Variants in DOK5 observed in about 807,000 individuals in gnomAD.
The protein encoded by DOK5 is docking protein 5.
Under a neutral mutation model 43.3 loss-of-function variants are expected in DOK5, and 27 were observed. That is an observed-to-expected ratio of 0.62 (90% CI 0.46 to 0.86). DOK5 has a LOEUF of 0.86. Ranked by LOEUF, DOK5 falls within the 40% of genes least tolerant of loss-of-function variation. DOK5 has a pLI of 0.00. For missense variants in DOK5, 373 were observed against 392.9 expected (o/e 0.95, Z 0.43); for synonymous variants, 146 against 140.1 (o/e 1.04, Z -0.30).
intron 1 of DOK5, among the ~76,000 whole-genome samples, chr20:54,528,954 T>C (rs1983671841): frequency 6.6e-6 from 1 of 152,208 alleles, no homozygotes; most frequent in Non-Finnish European, 1.5e-5. Context: ...AAAAGATGAT[T>C]CTCTATCTTG....
At chr20:54,556,800 G>A (rs1295424909) in intron 2 of DOK5, among the ~76,000 whole-genome samples, 1 of 152,180 alleles carries the variant, frequency 6.6e-6, no homozygotes, top group African/African-American at 2.4e-5. Context: ...TGGTCATTGT[G>A]TGTGGCCTTT....
At chr20:54,505,386 C>T (rs1322241220) in intron 1 of DOK5, among the ~76,000 whole-genome samples, 1 of 152,032 alleles carries the variant, frequency 6.6e-6, no homozygotes, top group Non-Finnish European at 1.5e-5. Flanking sequence ...CTCACAAAGC[C>T]TAAGGTATTT....
At chr20:54,502,654 G>T (rs374243404) in intron 1 of DOK5, among the ~76,000 whole-genome samples, 4 of 152,000 alleles carry the variant, frequency 2.6e-5, no homozygotes, top group Admixed American at 1.3e-4. Flanking sequence ...TGTGTACACC[G>T]CATTTTTTCC....
At chr20:54,550,757 T>C (rs75978062) in intron 1 of DOK5, among the ~76,000 whole-genome samples, 70 of 152,322 alleles carry the variant, frequency 4.6e-4, no homozygotes, top group Non-Finnish European at 7.9e-4. Flanking sequence ...TATTCCATTG[T>C]ATGGAGGATG....
chr20:54,515,462 A>G (rs1386701245), intron 1 of DOK5, among the ~76,000 whole-genome samples: 1 of 152,222 alleles, frequency 6.6e-6, no homozygotes, highest in Non-Finnish European at 1.5e-5. Flanking sequence ...TAATTTGTAG[A>G]TTATCTCAAT....
Position 54,538,205 on chromosome 20 carries a change from C to CTT in DOK5, c.67-16716_67-16715dup, listed in dbSNP as rs201764762. ...AGAAAAAAATTGGTTTTATTATGCA[C>CTT]TTTTTTTTTTTTTGCTTTAAGTCAC... On this transcript the variant is annotated intron_variant, in intron 1 of 7. Transcript: ENST00000262593. Among the ~76,000 whole-genome samples the CTT allele has an allele frequency of 1.7e-4, 24 of 142,100 alleles. 1 individual carries two copies. Among genetic ancestry groups the CTT allele is most frequent in the Admixed American group, 1.1e-3 (15 of 14,254 alleles). The allele number at this position is 142,100 out of a possible 152,430, so 93.2% of individuals were successfully genotyped here.
At position 54,651,083 on chromosome 20, in the gene DOK5, A is replaced by AC. The variant is rs1178027971; in HGVS notation, c.*608dup. On this transcript the variant is annotated 3_prime_UTR_variant, in exon 8 of 8. Transcript: ENST00000262593. Reference sequence around the variant, plus strand: ...ACAGTTTCTCTCACATGCTTTCCTCACCCCTTTACCCCCCTTTTTGAAAGC... The same window carrying AC: ...ACAGTTTCTCTCACATGCTTTCCTCACCCCCTTTACCCCCCTTTTTGAAAGC... 6.6e-6 allele frequency: 1 copy of AC among 152,022 alleles called. No individual in the cohort carries two copies. Among genetic ancestry groups the AC allele is most frequent in the Non-Finnish European group, 1.5e-5 (1 of 68,006 alleles). The allele number at this position is 152,022 out of a possible 1,614,324, so 9.4% of individuals were successfully genotyped here.
intron 1 of DOK5, among the ~76,000 whole-genome samples, chr20:54,517,347 T>C (rs1309697687): frequency 6.6e-6 from 1 of 152,170 alleles, no homozygotes; most frequent in Non-Finnish European, 1.5e-5. Flanking sequence ...AATTTTGAAA[T>C]AAAACTAAAG....
intron 6 of DOK5, among the ~76,000 whole-genome samples, chr20:54,621,977 C>T (rs1045103674): frequency 4.6e-5 from 7 of 152,150 alleles, no homozygotes; most frequent in African/African-American, 1.4e-4. Flanking sequence ...GGATGATCCA[C>T]GAGGTCAGGA....
rs1289856138 is a variant in DOK5, at chr20:54,491,934, G to A, written c.66+15922G>A. ...AAAGAATGGCAAAAAATGAAAGAAA[G>A]AGAGAAAAAGAGAGAGAAAGTGAAA... On this transcript the variant is annotated intron_variant, in intron 1 of 7. Coordinates refer to ENST00000262593, the MANE Select transcript of DOK5 (RefSeq NM_018431.5). Among the ~76,000 whole-genome samples, 4 of 151,366 alleles carry A rather than the reference G, an allele frequency of 2.6e-5. No homozygotes were observed. The East Asian group carries it at 7.7e-4, about 29-fold the overall frequency.
chr20:54,556,943 G>C (rs1262454517), intron 2 of DOK5, among the ~76,000 whole-genome samples: 1 of 152,140 alleles, frequency 6.6e-6, no homozygotes, highest in Non-Finnish European at 1.5e-5. Context: ...GTTACAGATA[G>C]ACCTATACAT....
intron 1 of DOK5, among the ~76,000 whole-genome samples, chr20:54,547,240 CT>C (rs1175178106): frequency 6.6e-6 from 1 of 152,138 alleles, no homozygotes; most frequent in Non-Finnish European, 1.5e-5. Flanking sequence ...CAATAGCGAC[CT>C]GGGGGCTCTC....
chr20:54,497,903 A>T (rs1162537440), intron 1 of DOK5, among the ~76,000 whole-genome samples: 1 of 152,216 alleles, frequency 6.6e-6, no homozygotes, highest in Non-Finnish European at 1.5e-5. Context: ...AAACAATATT[A>T]TGACCCTAAT....
At chr20:54,624,933 G>A (rs1291062727) in intron 6 of DOK5, among the ~76,000 whole-genome samples, 1 of 151,990 alleles carries the variant, frequency 6.6e-6, no homozygotes, top group African/African-American at 2.4e-5. Flanking sequence ...TCTGCTCACT[G>A]TGTAGTGTCT....
At chr20:54,527,949 G>A (rs185817095) in intron 1 of DOK5, among the ~76,000 whole-genome samples, 233 of 152,298 alleles carry the variant, frequency 1.5e-3, no homozygotes, top group African/African-American at 4.6e-3. Flanking sequence ...GCTCATGCCC[G>A]TAATCCCAGC....
At chr20:54,612,704 G>T (rs1464513729) in intron 6 of DOK5, among the ~76,000 whole-genome samples, 1 of 152,134 alleles carries the variant, frequency 6.6e-6, no homozygotes, top group East Asian at 1.9e-4. Context: ...ATATCTTGGT[G>T]TATATATCCT....
chr20:54,549,604 T>C (rs528657217), intron 1 of DOK5, among the ~76,000 whole-genome samples: 94 of 152,288 alleles, frequency 6.2e-4, no homozygotes, highest in Non-Finnish European at 1.1e-3. Context: ...CATGCTGAAA[T>C]TGAAGAACCT....
intron 7 of DOK5, among the ~76,000 whole-genome samples, chr20:54,647,216 G>A (rs577151383): frequency 4.2e-4 from 64 of 152,100 alleles, no homozygotes; most frequent in Admixed American, 1.2e-3. Flanking sequence ...GGTTTATAAT[G>A]AAAACTGTCT....
chr20:54,642,501 C>T (rs532392927), intron 6 of DOK5, among the ~76,000 whole-genome samples: 14 of 132,390 alleles, frequency 1.1e-4, no homozygotes, highest in South Asian at 2.3e-4. Context: ...GTCAGGAGTT[C>T]GAAATCAGCC....
Sources: allele counts gnomAD v4.1 joint callset (sites outside exome capture counted in the v4.1 genomes callset), GRCh38; gene constraint gnomAD v4.1.1; transcripts MANE v1.5; gene names NCBI Gene and HGNC (gene_info 2026-07-23, HGNC 2026-07-21).